Variants in NT5DC3 observed in about 807,000 individuals in gnomAD.
NT5DC3 encodes the protein 5'-nucleotidase domain-containing protein 3.
In NT5DC3, 42 loss-of-function variants were observed where a neutral mutation model predicts 67.8. The ratio of observed to expected loss-of-function variants is 0.62; its 90% CI spans 0.48 to 0.80. The LOEUF is 0.80. Among genes scored for constraint, NT5DC3 ranks in the 30% least tolerant of loss-of-function variants. NT5DC3 has a pLI of 0.00. For synonymous variants in NT5DC3, 237 were observed against 255.6 expected, an observed-to-expected ratio of 0.93 and a Z score of 0.69; for missense variants, 570 against 696.4, an observed-to-expected ratio of 0.82 and a Z score of 2.04.
chr12:103,782,054 A>G (rs1025842551), intron 12 of NT5DC3, among the ~76,000 whole-genome samples: 1 of 151,948 alleles, frequency 6.6e-6, no homozygotes, highest in African/African-American at 2.4e-5. Flanking sequence ...TGGTTGGGGG[A>G]AAAAAAACTC....
intron 1 of NT5DC3, among the ~76,000 whole-genome samples, chr12:103,830,782 T>C (rs1220266591): frequency 6.6e-6 from 1 of 152,224 alleles, no homozygotes; most frequent in Admixed American, 6.5e-5. Flanking sequence ...TTCCATTTCA[T>C]CTCTTATTTC....
At chr12:103,779,409 A>G (rs967508305) in intron 13 of NT5DC3, among the ~76,000 whole-genome samples, 12 of 152,236 alleles carry the variant, frequency 7.9e-5, no homozygotes, top group African/African-American at 2.9e-4. Flanking sequence ...AAATATAATC[A>G]TTTACACAGC....
At chr12:103,753,726 T>C in the NT5DC3 span, among the ~76,000 whole-genome samples, 1 of 152,194 alleles carries the variant, frequency 6.6e-6, no homozygotes, top group Admixed American at 6.5e-5. Context: ...TAAAAGTCTA[T>C]TTCAACCATG....
the NT5DC3 span, among the ~76,000 whole-genome samples, chr12:103,764,549 C>G: frequency 6.6e-6 from 1 of 151,796 alleles, no homozygotes; most frequent in Non-Finnish European, 1.5e-5. Context: ...TACCAGTTCT[C>G]GACTGAAAAA....
At chr12:103,800,956 A>G (rs1886547039) in intron 4 of NT5DC3, among the ~76,000 whole-genome samples, 1 of 152,176 alleles carries the variant, frequency 6.6e-6, no homozygotes. Flanking sequence ...CGTATAGAAC[A>G]GTTGGTCTAT....
At position 103,793,171 on chromosome 12, in the gene NT5DC3, T is replaced by C; in HGVS notation, c.1012A>G (p.Lys338Glu). The part of the protein sequence containing the change: ...QAEKPNFFND[K>E]RRPFRKMNEK... ...AGAAAAATAAACACTCACCTCCGCT[T>C]ATCATTAAAGAAGTTTGGCTTCTCA... Residue 338 changes from lysine (K) to glutamate (E), a missense_variant, in exon 9 of 14, where the codon AAG (lysine) becomes GAG (glutamate). By Grantham distance (56) the Lys-to-Glu change is moderately conservative. Transcript: ENST00000392876. The C allele has an allele frequency of 6.3e-7, 1 of 1,597,928 alleles. No individual in the cohort carries two copies. The highest frequency in any genetic ancestry group is 8.5e-7 in the Non-Finnish European group (1 of 1,172,338).
In NT5DC3 at chr12:103,815,007, AC is replaced by A. The variant is rs1291280870; in HGVS notation, c.322del (p.Val108CysfsTer10). Reference protein sequence around the residue: ...IYGFDYDYTLVFYSKHLHTLI... With the variant: ...IYGFDYDYTLXFYSKHLHTLI... ...CGTGTGGAGGTGCTTTGAATAAAAC[AC>A]CAAGGTGTAATCATAATCGAAGCCA... On this transcript the variant is annotated frameshift_variant, in exon 2 of 14. Coordinates refer to ENST00000392876, the MANE Select transcript of NT5DC3 (RefSeq NM_001031701.3). LOFTEE classifies it high-confidence loss of function. 3.7e-6 allele frequency: 6 copies of A among 1,613,778 alleles called. No individual in the cohort carries two copies. Among genetic ancestry groups the A allele is most frequent in the Non-Finnish European group, 5.1e-6 (6 of 1,179,834 alleles).
rs752924561 is a variant in NT5DC3, at chr12:103,814,932, C to T, written c.393+5G>A. 9.8e-5 allele frequency: 157 copies of T among 1,598,254 alleles called. No individual in the cohort carries two copies. Among genetic ancestry groups the T allele is most frequent in the Non-Finnish European group, 1.3e-4 (154 of 1,171,414 alleles). On this transcript the variant is annotated splice_donor_5th_base_variant and intron_variant, in intron 2 of 13. Coordinates refer to ENST00000392876, the MANE Select transcript of NT5DC3 (RefSeq NM_001031701.3). ...GAGAAGCCTGAAATGTCCCTGTGAT[C>T]TTACCCGGTGTTCATTGATGAGAAG...
chr12:103,804,367 C>T (rs1156739035), intron 4 of NT5DC3, among the ~76,000 whole-genome samples: 1 of 152,078 alleles, frequency 6.6e-6, no homozygotes, highest in African/African-American at 2.4e-5. Context: ...ACTGATTCCC[C>T]ACCACAAGCT....
intron 5 of NT5DC3, 118 bp downstream of exon 5, chr12:103,798,469 C>T: frequency 1.4e-6 from 1 of 703,072 alleles, no homozygotes; most frequent in Non-Finnish European, 2.5e-6. Flanking sequence ...GCTAGTCTCT[C>T]TCAACACACA....
At chr12:103,840,702 A>G (rs1281550703) in intron 1 of NT5DC3, among the ~76,000 whole-genome samples, 1 of 151,984 alleles carries the variant, frequency 6.6e-6, no homozygotes, top group Non-Finnish European at 1.5e-5. Context: ...CCAAGAATAT[A>G]TACAACAGCT....
chr12:103,796,609 G>C (rs941294315), intron 6 of NT5DC3, among the ~76,000 whole-genome samples: 1 of 152,176 alleles, frequency 6.6e-6, no homozygotes, highest in Non-Finnish European at 1.5e-5. Context: ...TCATCCCTTT[G>C]GCCAAGTGCA....
At position 103,786,720 on chromosome 12, in the gene NT5DC3, T is replaced by C. The variant is rs572259565; in HGVS notation, c.1188+721A>G. Among the ~76,000 whole-genome samples, 93 of 143,342 alleles carry C rather than the reference T, an allele frequency of 6.5e-4. 1 individual carries two copies. The South Asian group carries it at 0.018, about 28-fold the overall frequency. 94.0% of individuals were successfully genotyped at this position (143,342 alleles called of 152,430 possible). ...TTTTTTGAGGCAGGGTCTCACTCTG[T>C]CGCCTAGGCTAGAGTGCAATGGCAT... On this transcript the variant is annotated intron_variant, in intron 11 of 13. Transcript: ENST00000392876.
intron 1 of NT5DC3, among the ~76,000 whole-genome samples, chr12:103,838,565 C>T (rs940819095): frequency 1.3e-5 from 2 of 152,176 alleles, no homozygotes; most frequent in East Asian, 1.9e-4. Flanking sequence ...TTTGACCCAG[C>T]AATTGTACTC....
chr12:103,785,531 T>A, intron 11 of NT5DC3, 56 bp from the exon 12 acceptor site: 1 of 1,573,614 alleles, frequency 6.4e-7, no homozygotes, highest in South Asian at 1.1e-5. Flanking sequence ...CTAAACTATG[T>A]CATTATTTTC....
chr12:103,834,075 C>T (rs1888045301), intron 1 of NT5DC3, among the ~76,000 whole-genome samples: 1 of 151,934 alleles, frequency 6.6e-6, no homozygotes, highest in South Asian at 2.1e-4. Flanking sequence ...GCAACCCTGG[C>T]CTCTAGAGGC....
At chr12:103,797,104 ACAG>A in intron 5 of NT5DC3, 73 bp from the exon 6 acceptor site, 2 of 1,534,932 alleles carry the variant, frequency 1.3e-6, no homozygotes, top group Non-Finnish European at 1.8e-6. Context: ...AGCACCAGGA[ACAG>A]CAGGAAGCCT....
chr12:103,839,677 T>C (rs1888298008), intron 1 of NT5DC3, among the ~76,000 whole-genome samples: 1 of 152,112 alleles, frequency 6.6e-6, no homozygotes, highest in Admixed American at 6.5e-5. Flanking sequence ...CCTGCAAAAT[T>C]CCCAATGTCT....
chr12:103,831,069 A>G (rs2139470045), intron 1 of NT5DC3, among the ~76,000 whole-genome samples: 1 of 152,198 alleles, frequency 6.6e-6, no homozygotes, highest in East Asian at 1.9e-4. Flanking sequence ...CTCAGTTGGG[A>G]TTGTGATATG....
Sources: allele counts gnomAD v4.1 joint callset (sites outside exome capture counted in the v4.1 genomes callset), GRCh38; gene constraint gnomAD v4.1.1; transcripts MANE v1.5; gene names NCBI Gene and HGNC (gene_info 2026-07-23, HGNC 2026-07-21).